MGMT: variants seen among roughly 807,000 people sequenced by gnomAD.
MGMT encodes methylated-DNA--protein-cysteine methyltransferase.
Under a neutral mutation model 15.9 loss-of-function variants are expected in MGMT, and 14 were observed. The observed-to-expected ratio is 0.88, with a 90% CI of 0.58 to 1.37. The LOEUF is 1.37. Ranked by LOEUF, MGMT falls within the 40% of genes most tolerant of loss-of-function variation. The probability of loss-of-function intolerance (pLI) is 0.00; values close to 1 mark genes in which losing one functional copy is unlikely to be tolerated. For missense variants in MGMT, 282 were observed against 268.1 expected (o/e 1.05, Z -0.36); for synonymous variants, 130 against 118.2 (o/e 1.10, Z -0.65).
At chr10:129,716,247 G>A (rs927025245) in intron 3 of MGMT, among the ~76,000 whole-genome samples, 14 of 152,174 alleles carry the variant, frequency 9.2e-5, no homozygotes, top group African/African-American at 2.4e-4. Context: ...TATTGGTAAC[G>A]CCCAGGAAGC....
chr10:129,740,148 C>T (rs1053584035), intron 3 of MGMT, among the ~76,000 whole-genome samples: 2 of 152,230 alleles, frequency 1.3e-5, no homozygotes, highest in African/African-American at 2.4e-5. Context: ...AGTTAGAAGT[C>T]GGGGTCCGGG....
At chr10:129,694,255 A>T (rs1208919418) in intron 2 of MGMT, 1 of 152,164 alleles carries the variant, frequency 6.6e-6, no homozygotes, top group East Asian at 1.9e-4. Context: ...TGGCAACACT[A>T]CCCCTGGCTC....
chr10:129,723,883 C>T lies in MGMT; in HGVS notation c.274+15840C>T, dbSNP rs1243892891. Among the ~76,000 whole-genome samples, 10 of 152,296 alleles carry T rather than the reference C, an allele frequency of 6.6e-5. No homozygotes were observed. The East Asian group carries it at 1.2e-3, about 18-fold the overall frequency. On this transcript the variant is annotated intron_variant, in intron 3 of 4. Coordinates refer to ENST00000651593, the MANE Select transcript of MGMT (RefSeq NM_002412.5). ...GCTCAGATCAGACACCACCAAGTGT[C>T]GCAGAGACTGCCGCAGCCTCGCCTC...
At chr10:129,560,386 A>G (rs1009929498) in intron 2 of MGMT, among the ~76,000 whole-genome samples, 1 of 152,258 alleles carries the variant, frequency 6.6e-6, no homozygotes, top group Admixed American at 6.5e-5. Context: ...TCTGTGGTAG[A>G]CACAGCTCCA....
intron 2 of MGMT, among the ~76,000 whole-genome samples, chr10:129,580,404 A>G (rs1182864436): frequency 6.6e-6 from 1 of 152,200 alleles, no homozygotes. Context: ...GAGAGGTGCA[A>G]CAGTTTCCCT....
intron 3 of MGMT, among the ~76,000 whole-genome samples, chr10:129,715,993 G>A (rs1333696418): frequency 6.6e-6 from 1 of 152,198 alleles, no homozygotes; most frequent in African/African-American, 2.4e-5. Context: ...GCGGCGGTCA[G>A]TGTAGCTTCT....
At chr10:129,525,043 AG>A (rs912134280) in intron 1 of MGMT, among the ~76,000 whole-genome samples, 4 of 152,188 alleles carry the variant, frequency 2.6e-5, no homozygotes, top group Admixed American at 1.3e-4. Flanking sequence ...TTTAAGTTCC[AG>A]GGAATTTTTG....
intron 2 of MGMT, among the ~76,000 whole-genome samples, chr10:129,632,313 C>G (rs1847219114): frequency 6.6e-6 from 1 of 152,144 alleles, no homozygotes; most frequent in Non-Finnish European, 1.5e-5. Context: ...ATGTGGGCGC[C>G]TTGTACTTGA....
chr10:129,732,504 A>G (rs955974761), intron 3 of MGMT, among the ~76,000 whole-genome samples: 14 of 151,312 alleles, frequency 9.3e-5, no homozygotes, highest in Non-Finnish European at 2.9e-5. Flanking sequence ...TTATGGCTGC[A>G]TGGTATTCCA....
intron 2 of MGMT, chr10:129,537,246 A>G (rs1031177018): frequency 6.6e-6 from 1 of 152,196 alleles, no homozygotes; most frequent in Non-Finnish European, 1.5e-5. Context: ...AATACATAAG[A>G]AACATAAAAA....
intron 3 of MGMT, among the ~76,000 whole-genome samples, chr10:129,731,323 G>A (rs1848494500): frequency 6.8e-6 from 1 of 147,872 alleles, no homozygotes; most frequent in East Asian, 2.0e-4. Flanking sequence ...GCTATATTGT[G>A]CACATTTGCC....
chr10:129,545,441 G>A (rs775425011), intron 2 of MGMT, among the ~76,000 whole-genome samples: 14 of 152,170 alleles, frequency 9.2e-5, no homozygotes, highest in Non-Finnish European at 1.9e-4. Flanking sequence ...GATATCACTC[G>A]CCTACTGTAC....
At chr10:129,765,272 C>A (rs1848920484) in intron 4 of MGMT, among the ~76,000 whole-genome samples, 1 of 152,182 alleles carries the variant, frequency 6.6e-6, no homozygotes, top group Non-Finnish European at 1.5e-5. Flanking sequence ...CTTTAGAAAT[C>A]TGTGCAAGAC....
chr10:129,770,879 G>A lies in MGMT; in HGVS notation c.*3882G>A, dbSNP rs967397448. 3.5e-5 allele frequency among the ~76,000 whole-genome samples: 1 copy of A among 28,814 alleles called. No homozygotes were observed. The highest frequency in any genetic ancestry group is 5.3e-5 in the Non-Finnish European group (1 of 18,992). 18.9% of individuals were successfully genotyped at this position (28,814 alleles called of 152,430 possible). The stretch of plus-strand genomic sequence containing the variant: ...GAAACAGTCCAAGGCCCTGGGGTGG[G>A]GGATTTAAATTTTTGGCTTCCCTCA... On this transcript the variant is annotated 3_prime_UTR_variant, in exon 5 of 5. Transcript: ENST00000651593.
At chr10:129,657,252 C>T (rs902267566) in intron 2 of MGMT, among the ~76,000 whole-genome samples, 1 of 152,180 alleles carries the variant, frequency 6.6e-6, no homozygotes, top group Non-Finnish European at 1.5e-5. Flanking sequence ...GATTTTCCTA[C>T]CCATCTGATG....
intron 2 of MGMT, among the ~76,000 whole-genome samples, chr10:129,573,510 T>A (rs1050500258): frequency 1.3e-5 from 2 of 150,016 alleles, no homozygotes; most frequent in African/African-American, 4.9e-5. Flanking sequence ...AACCTTAAGA[T>A]TTTTTTTTTG....
chr10:129,664,864 C>G (rs1447102109), intron 2 of MGMT, among the ~76,000 whole-genome samples: 1 of 151,966 alleles, frequency 6.6e-6, no homozygotes, highest in African/African-American at 2.4e-5. Context: ...ACATCTTCAC[C>G]CTTAGCAAAT....
intron 2 of MGMT, among the ~76,000 whole-genome samples, chr10:129,687,585 A>T (rs937431282): frequency 2.0e-5 from 3 of 152,120 alleles, no homozygotes; most frequent in African/African-American, 7.2e-5. Flanking sequence ...CCTAGTGCAC[A>T]CGTAGGCCCT....
intron 1 of MGMT, among the ~76,000 whole-genome samples, chr10:129,523,573 G>A (rs555426641): frequency 4.8e-4 from 73 of 152,262 alleles, no homozygotes; most frequent in Non-Finnish European, 7.6e-4. Context: ...CGACGTGGAC[G>A]GGTACAGCTC....
Sources: gnomAD v4.1 joint callset for allele counts (sites outside exome capture counted in the v4.1 genomes callset) on GRCh38, gnomAD v4.1.1 for gene constraint, MANE v1.5 for transcripts, NCBI Gene and HGNC (gene_info 2026-07-23, HGNC 2026-07-21) for gene names.